Variants in NKAIN3 observed in about 807,000 individuals in gnomAD.
NKAIN3 encodes the protein sodium/potassium transporting ATPase interacting 3, also known as sodium/potassium-transporting ATPase subunit beta-1-interacting protein 3.
NKAIN3 carries 25 observed loss-of-function variants against 30.2 expected under a neutral mutation model. The ratio of observed to expected loss-of-function variants is 0.83; its 90% confidence interval spans 0.60 to 1.16. NKAIN3 has a LOEUF of 1.16. Ranked by LOEUF, NKAIN3 falls within the 50% of genes most tolerant of loss-of-function variation. The pLI is 0.00. For synonymous variants in NKAIN3, 91 were observed against 89.6 expected, an observed-to-expected ratio of 1.02 and a Z score of -0.09; for missense variants, 225 against 254.1, an observed-to-expected ratio of 0.89 and a Z score of 0.78.
intron 1 of NKAIN3, among the ~76,000 whole-genome samples, chr8:62,526,251 C>A (rs1808302072): frequency 6.6e-6 from 1 of 152,038 alleles, no homozygotes; most frequent in African/African-American, 2.4e-5. Flanking sequence ...AGGGTTATTA[C>A]AAAGAACAAC....
intron 4 of NKAIN3, chr8:62,864,257 G>T: frequency 1.0e-6 from 1 of 963,976 alleles, no homozygotes; most frequent in Non-Finnish European, 1.6e-6. Context: ...AGGCGGCCGA[G>T]GCAGACGGCA....
At chr8:62,414,100 T>A (rs1271157154) in intron 1 of NKAIN3, among the ~76,000 whole-genome samples, 3 of 152,162 alleles carry the variant, frequency 2.0e-5, no homozygotes, top group African/African-American at 7.2e-5. Context: ...GATTTGGGAC[T>A]TTTTGTAAAA....
At chr8:62,394,422 G>GA (rs1210672697) in intron 1 of NKAIN3, among the ~76,000 whole-genome samples, 14 of 151,492 alleles carry the variant, frequency 9.2e-5, no homozygotes, top group African/African-American at 3.2e-4. Context: ...GTATACATGA[G>GA]AAAAATTACA....
intron 4 of NKAIN3, among the ~76,000 whole-genome samples, chr8:62,768,302 CA>C (rs1328809153): frequency 6.6e-6 from 1 of 152,198 alleles, no homozygotes. Context: ...CTGTCTCTCA[CA>C]GTCTTATGAA....
At chr8:62,355,603 A>C (rs1816323342) in intron 1 of NKAIN3, among the ~76,000 whole-genome samples, 1 of 152,140 alleles carries the variant, frequency 6.6e-6, no homozygotes, top group Non-Finnish European at 1.5e-5. Flanking sequence ...AGTCTTAGGG[A>C]TGTAGATGAA....
At chr8:62,543,626 C>G (rs1433078621) in intron 1 of NKAIN3, among the ~76,000 whole-genome samples, 1 of 152,178 alleles carries the variant, frequency 6.6e-6, no homozygotes, top group Non-Finnish European at 1.5e-5. Flanking sequence ...GTACCGTACT[C>G]TTAGCACCCA....
At chr8:62,680,261 C>T (rs1225018488) in intron 3 of NKAIN3, among the ~76,000 whole-genome samples, 1 of 152,122 alleles carries the variant, frequency 6.6e-6, no homozygotes, top group African/African-American at 2.4e-5. Flanking sequence ...CTTCTCAAAG[C>T]CTCCAGGAGA....
intron 3 of NKAIN3, among the ~76,000 whole-genome samples, chr8:62,669,696 C>T (rs1423861120): frequency 6.6e-6 from 1 of 152,122 alleles, no homozygotes; most frequent in Non-Finnish European, 1.5e-5. Flanking sequence ...TTTGAATGAC[C>T]GTGCTTTTGT....
rs1346562065 is a variant in NKAIN3 at position 62,548,870 on chromosome 8, A to G, written c.55-30669A>G. Among the ~76,000 whole-genome samples, 3 of 151,882 alleles carry G rather than the reference A, an allele frequency of 2.0e-5. No homozygotes were observed. In the East Asian group the frequency reaches 5.8e-4, roughly 29 times the overall value. On this transcript the variant is annotated intron_variant, in intron 1 of 6. Transcript: ENST00000623646. ...AATGAAAACATAGGCTAGTCATGGA[A>G]CTGATTATTATTTAACTTCTTTATA... is the stretch of plus-strand genomic sequence containing the variant.
At chr8:62,436,804 G>T (rs769482861) in intron 1 of NKAIN3, among the ~76,000 whole-genome samples, 1 of 152,108 alleles carries the variant, frequency 6.6e-6, no homozygotes, top group Admixed American at 6.5e-5. Flanking sequence ...TAAGGAAGAA[G>T]TGCATTTTTC....
intron 4 of NKAIN3, among the ~76,000 whole-genome samples, chr8:62,814,568 T>A (rs1447866424): frequency 6.6e-6 from 1 of 151,874 alleles, no homozygotes; most frequent in Admixed American, 6.6e-5. Flanking sequence ...GAACTCAGGA[T>A]TAAGAAACTC....
At chr8:62,310,335 C>G (rs936516757) in intron 1 of NKAIN3, among the ~76,000 whole-genome samples, 2 of 150,416 alleles carry the variant, frequency 1.3e-5, no homozygotes, top group African/African-American at 5.0e-5. Flanking sequence ...AAGGATCTTT[C>G]AAAGGCGAGT....
At chr8:62,430,366 G>GGTGTGTGTGTGTGTGT (rs59837325) in intron 1 of NKAIN3, among the ~76,000 whole-genome samples, 2 of 142,460 alleles carry the variant, frequency 1.4e-5, no homozygotes, top group Non-Finnish European at 3.1e-5. Context: ...TATATATTGT[G>GGTGTGTGTGTGTGTGT]GTGTGTGTGT....
intron 1 of NKAIN3, among the ~76,000 whole-genome samples, chr8:62,500,449 GAAAGAAAGAAAGAAAGAAAGAAA>G: frequency 8.6e-6 from 1 of 116,374 alleles, no homozygotes; most frequent in East Asian, 2.4e-4. Context: ...AAGAAAGAAA[GAAAGAAAGAAAGAAAGAAAGAAA>G]GAAAGAAAGA....
At chr8:62,684,770 C>A (rs1415510373) in intron 3 of NKAIN3, among the ~76,000 whole-genome samples, 1 of 152,078 alleles carries the variant, frequency 6.6e-6, no homozygotes, top group East Asian at 1.9e-4. Flanking sequence ...GGCCCTAATC[C>A]ACCATGATTG....
intron 4 of NKAIN3, among the ~76,000 whole-genome samples, chr8:62,770,006 TG>T (rs1428526592): frequency 1.6e-4 from 24 of 152,208 alleles, no homozygotes; most frequent in African/African-American, 5.5e-4. Context: ...GAGTAGCATC[TG>T]GGATTTGCTT....
chr8:62,538,488 A>C (rs1344353990), intron 1 of NKAIN3, among the ~76,000 whole-genome samples: 1 of 152,148 alleles, frequency 6.6e-6, no homozygotes, highest in Non-Finnish European at 1.5e-5. Flanking sequence ...AAGTAGCTTT[A>C]TAGTTTTCCT....
At chr8:62,837,592 C>A (rs1381254394) in intron 4 of NKAIN3, among the ~76,000 whole-genome samples, 2 of 152,126 alleles carry the variant, frequency 1.3e-5, no homozygotes, top group Non-Finnish European at 2.9e-5. Context: ...ATTTCTATTT[C>A]AACTCTGTAG....
chr8:62,494,712 C>G (rs1254281686), intron 1 of NKAIN3, among the ~76,000 whole-genome samples: 1 of 151,956 alleles, frequency 6.6e-6, no homozygotes, highest in Non-Finnish European at 1.5e-5. Flanking sequence ...TTCAGGGAAT[C>G]AATTTCGTTC....
Sources: allele counts gnomAD v4.1 joint callset (sites outside exome capture counted in the v4.1 genomes callset), GRCh38; gene constraint gnomAD v4.1.1; transcripts MANE v1.5; gene names NCBI Gene and HGNC (gene_info 2026-07-23, HGNC 2026-07-21).